ACSF2: variants seen among roughly 807,000 people sequenced by gnomAD.
ACSF2 encodes the protein medium-chain acyl-CoA ligase ACSF2, mitochondrial.
Under a neutral mutation model 79.3 loss-of-function variants are expected in ACSF2, and 52 were observed. That is an observed-to-expected ratio of 0.66 (90% CI 0.53 to 0.83). The LOEUF (loss-of-function observed/expected upper bound fraction) is 0.83, where lower values mean the gene tolerates loss of function less well. ACSF2 is among the 40% of genes least tolerant of loss of function. ACSF2 has a pLI of 0.00. For missense variants in ACSF2, 661 were observed against 803.3 expected (o/e 0.82, Z 2.14); for synonymous variants, 283 against 312.6 (o/e 0.91, Z 1.00).
At position 50,473,924 on chromosome 17, in the gene ACSF2, G is replaced by A. The variant is rs1241661871; in HGVS notation, c.1648G>A (p.Glu550Lys). 6.3e-7 allele frequency: 1 copy of A among 1,578,650 alleles called. No homozygotes were observed. Among genetic ancestry groups the A allele is most frequent in the Non-Finnish European group, 8.6e-7 (1 of 1,159,894 alleles). Residue 550 changes from glutamate to lysine, a missense_variant, in exon 14 of 16, where the codon GAA becomes AAA. Physicochemically the swap from Glu to Lys is moderately conservative, Grantham distance 56 (BLOSUM62 1). Transcript: ENST00000300441. ...VVGVKDDRMGEEICACIRLKD... is the reference protein window; with the variant it reads ...VVGVKDDRMGKEICACIRLKD... ...GGGAGTGAAGGACGATCGGATGGGGGAAGAGATTTGTGCCTGCATTCGGCT... is the reference window on the plus strand; with the variant it reads ...GGGAGTGAAGGACGATCGGATGGGGAAAGAGATTTGTGCCTGCATTCGGCT...
At chr17:50,464,144 A>C (rs2032530669) in intron 9 of ACSF2, 74 bp from the exon 10 acceptor site, 3 of 1,490,274 alleles carry the variant, frequency 2.0e-6, no homozygotes, top group Admixed American at 3.3e-5. Context: ...TCCTCCCCTG[A>C]ATGAGCTGTA....
intron 1 of ACSF2, among the ~76,000 whole-genome samples, chr17:50,452,515 C>T (rs1322899018): frequency 8.2e-6 from 1 of 122,074 alleles, no homozygotes; most frequent in Non-Finnish European, 1.7e-5. Flanking sequence ...AGTGTCGGGT[C>T]GAGGGGTGGG....
intron 1 of ACSF2, among the ~76,000 whole-genome samples, chr17:50,436,884 GT>G (rs2030475251): frequency 1.3e-5 from 2 of 152,256 alleles, no homozygotes; most frequent in Admixed American, 1.3e-4. Context: ...TTGAACAATA[GT>G]TGCACATTGT....
intron 1 of ACSF2, among the ~76,000 whole-genome samples, chr17:50,454,169 ATTTT>A (rs34569538): frequency 1.1e-4 from 13 of 113,064 alleles, no homozygotes; most frequent in African/African-American, 4.1e-4. Context: ...ACCGTCCCAA[ATTTT>A]TTTTTTTTTT....
At position 50,474,069 on chromosome 17, in the gene ACSF2, C is replaced by T; in HGVS notation, c.1728+65C>T. 1 of 1,561,950 alleles carries T rather than the reference C, an allele frequency of 6.4e-7. No individual in the cohort carries two copies. Among genetic ancestry groups the T allele is most frequent in the Non-Finnish European group, 8.7e-7 (1 of 1,148,538 alleles). On this transcript the variant is annotated intron_variant, in intron 14 of 15. Transcript: ENST00000300441. This position sits in a 1 kb window ranked among gnomAD's most constrained non-coding sequence, Gnocchi z 4.2. ...CTTTGCTCACCCACTCCTCTGCCAA[C>T]CAGCCCAGGGTGGGGATTGCTCTGC...
At chr17:50,431,564 A>G (rs938681654) in intron 1 of ACSF2, among the ~76,000 whole-genome samples, 4 of 152,224 alleles carry the variant, frequency 2.6e-5, no homozygotes, top group Non-Finnish European at 4.4e-5. Context: ...GTGCCATCAT[A>G]GCTTGCTATA....
intron 1 of ACSF2, among the ~76,000 whole-genome samples, chr17:50,430,073 G>A (rs1052077443): frequency 1.4e-4 from 21 of 152,208 alleles, no homozygotes; most frequent in Admixed American, 1.4e-3. Context: ...AACACTCAGA[G>A]CTGGGAAGGC....
chr17:50,469,303 G>A lies in ACSF2; in HGVS notation c.1216-1725G>A, dbSNP rs552383214. ...GCTCGGCCGGGTGCCCTGGATGCGA[G>A]GCGGGAGGAAGCGGGGCCGGACAGC... On this transcript the variant is annotated intron_variant, in intron 10 of 15. Coordinates refer to ENST00000300441, the MANE Select transcript of ACSF2 (RefSeq NM_025149.6). 4.6e-5 allele frequency among the ~76,000 whole-genome samples: 7 copies of A among 152,370 alleles called. No homozygotes were observed. The East Asian group carries it at 1.3e-3, about 29-fold the overall frequency.
rs374369059 is a variant in ACSF2, at chr17:50,453,558, C to G, written c.129-7119C>G. Among the ~76,000 whole-genome samples, 33 of 152,288 alleles carry G rather than the reference C, an allele frequency of 2.2e-4. No homozygotes were observed. In the East Asian group the frequency reaches 6.0e-3, roughly 28 times the overall value. ...TTAGTGTGTCTCAAAGAAACCCAAA[C>G]TGAGAGTGACTGAAAGAAGATGGGG... On this transcript the variant is annotated intron_variant, in intron 1 of 15. Transcript: ENST00000300441.
At chr17:50,464,363 G>A (rs2032545275) in intron 10 of ACSF2, 69 bp downstream of exon 10, 1 of 1,471,778 alleles carries the variant, frequency 6.8e-7, no homozygotes, top group South Asian at 1.1e-5. Context: ...GACAGACATG[G>A]GGATGAGTCC....
At chr17:50,464,779 G>T (rs75281762) in intron 10 of ACSF2, 7 of 259,832 alleles carry the variant, frequency 2.7e-5, no homozygotes, top group East Asian at 1.8e-4. Context: ...TGGGGGGGGG[G>T]TCTCAGCAAC....
intron 1 of ACSF2, among the ~76,000 whole-genome samples, chr17:50,443,604 C>T (rs2031094441): frequency 6.6e-6 from 1 of 152,218 alleles, no homozygotes; most frequent in African/African-American, 2.4e-5. Context: ...GCCAGCTTTC[C>T]CTCTCCAATT....
chr17:50,426,528 C>T, intron 1 of ACSF2, 139 bp downstream of exon 1: 13 of 1,121,152 alleles, frequency 1.2e-5, no homozygotes, highest in Non-Finnish European at 1.5e-5. Flanking sequence ...CGCCCCCCGC[C>T]AGCACCTAGG....
At chr17:50,439,322 A>G (rs536068353) in intron 1 of ACSF2, among the ~76,000 whole-genome samples, 1 of 137,524 alleles carries the variant, frequency 7.3e-6, no homozygotes, top group South Asian at 2.3e-4. Flanking sequence ...CAGTCTTCCC[A>G]CTTTGACCTC....
At chr17:50,451,697 G>T (rs766181848) in intron 1 of ACSF2, among the ~76,000 whole-genome samples, 3 of 152,138 alleles carry the variant, frequency 2.0e-5, no homozygotes, top group Non-Finnish European at 2.9e-5. Flanking sequence ...TGATCTGTTC[G>T]CCTTGGCCTC....
chr17:50,468,337 G>C, intron 10 of ACSF2: 1 of 1,614,208 alleles, frequency 6.2e-7, no homozygotes, highest in Non-Finnish European at 8.5e-7. Context: ...GCAGCTCACG[G>C]ATCTTGTTGT....
chr17:50,468,238 G>A (rs753147130), intron 10 of ACSF2: 8 of 1,612,294 alleles, frequency 5.0e-6, no homozygotes, highest in Admixed American at 1.7e-5. Context: ...TCTCCACGTC[G>A]TCCAGGGCCC....
At chr17:50,447,716 C>T (rs994225913) in intron 1 of ACSF2, among the ~76,000 whole-genome samples, 3 of 152,100 alleles carry the variant, frequency 2.0e-5, no homozygotes, top group Non-Finnish European at 4.4e-5. Context: ...CCCTTAGCCA[C>T]ATAGTGAGTG....
At chr17:50,451,143 T>G (rs995831158) in intron 1 of ACSF2, among the ~76,000 whole-genome samples, 19 of 152,308 alleles carry the variant, frequency 1.2e-4, no homozygotes, top group African/African-American at 4.6e-4. Context: ...CTCACTATGT[T>G]GCCCAGACTA....
Sources: allele counts gnomAD v4.1 joint callset (sites outside exome capture counted in the v4.1 genomes callset), GRCh38; gene constraint gnomAD v4.1.1; non-coding constraint Gnocchi (gnomAD v3.1); transcripts MANE v1.5; gene names NCBI Gene and HGNC (gene_info 2026-07-23, HGNC 2026-07-21).